KIRREL3: variants seen among roughly 807,000 people sequenced by gnomAD.
KIRREL3 encodes the protein kin of IRRE-like protein 3.
In KIRREL3, 36 loss-of-function variants were observed where a neutral mutation model predicts 89.7. The ratio of observed to expected loss-of-function variants is 0.40; its 90% confidence interval spans 0.31 to 0.53. The LOEUF is 0.53. KIRREL3 is among the 20% of genes least tolerant of loss of function. The pLI, the probability that KIRREL3 is intolerant of heterozygous loss-of-function variation, is 0.49. For missense variants in KIRREL3, 864 were observed against 1,056.6 expected, an observed-to-expected ratio of 0.82 and a Z score of 2.53; for synonymous variants, 445 against 441.4, an observed-to-expected ratio of 1.01 and a Z score of -0.10.
chr11:126,859,479 T>A (rs1452947989), intron 1 of KIRREL3, among the ~76,000 whole-genome samples: 1 of 151,936 alleles, frequency 6.6e-6, no homozygotes, highest in East Asian at 1.9e-4. Context: ...AACTGGACAA[T>A]GGATAGCAGC....
rs1244665847 is a variant in KIRREL3, at chr11:126,995,243, G to C, written c.55+5212C>G. The C allele has an allele frequency of 6.6e-6, 3 of 456,048 alleles. No homozygotes were observed. Among genetic ancestry groups the C allele is most frequent in the Non-Finnish European group, 1.3e-5 (3 of 226,934 alleles). 28.3% of individuals were successfully genotyped at this position (456,048 alleles called of 1,614,324 possible). ...GAGTGCTGGGATGTCCGCTGGCCTC[G>C]AGGCAAGACAAGAGCTCCAATCACT... On this transcript the variant is annotated intron_variant, in intron 1 of 16. Coordinates refer to ENST00000525144, the MANE Select transcript of KIRREL3 (RefSeq NM_032531.4). The surrounding 1 kb of genome is among the most constrained non-coding windows in gnomAD (Gnocchi z 6.5).
In KIRREL3 at chr11:126,574,048, C is replaced by A. The variant is rs1259791292; in HGVS notation, c.56-11136G>T. Among the ~76,000 whole-genome samples, 4 of 152,186 alleles carry A rather than the reference C, an allele frequency of 2.6e-5. No individual in the cohort carries two copies. Among genetic ancestry groups the A allele is most frequent in the Non-Finnish European group, 4.4e-5 (3 of 68,028 alleles). On this transcript the variant is annotated intron_variant, in intron 1 of 16. Coordinates refer to ENST00000525144, the MANE Select transcript of KIRREL3 (RefSeq NM_032531.4). This position sits in a 1 kb window ranked among gnomAD's most constrained non-coding sequence, Gnocchi z 5.3. ...ATGGAAGCCCCTTACAGGCCCCAGACAAGGGGCTTCATTCTGAGGGACTAG... is the reference window on the plus strand; with the variant it reads ...ATGGAAGCCCCTTACAGGCCCCAGAAAAGGGGCTTCATTCTGAGGGACTAG...
rs1018712167 is a variant in KIRREL3, at chr11:126,906,292, T to C, written c.55+94163A>G. Among the ~76,000 whole-genome samples the C allele has an allele frequency of 2.0e-5, 3 of 152,372 alleles. No homozygotes were observed. Among genetic ancestry groups the C allele is most frequent in the South Asian group, 2.1e-4 (1 of 4,828 alleles). On this transcript the variant is annotated intron_variant, in intron 1 of 16. Coordinates refer to ENST00000525144, the MANE Select transcript of KIRREL3 (RefSeq NM_032531.4). This position sits in a 1 kb window ranked among gnomAD's most constrained non-coding sequence, Gnocchi z 4.1. ...TCGGAAATCCAAACCTCACGCCTTG[T>C]GTGACTGATGAGCCACTTTTCGTTG... is the stretch of plus-strand genomic sequence containing the variant.
At chr11:126,730,686 C>T (rs1948582365) in intron 1 of KIRREL3, among the ~76,000 whole-genome samples, 2 of 152,286 alleles carry the variant, frequency 1.3e-5, no homozygotes, top group Admixed American at 1.3e-4. Context: ...ACCAAAATGG[C>T]GGTAGTCCCC....
Position 126,521,251 on chromosome 11 carries a change from C to T in KIRREL3, c.433+64G>A, listed in dbSNP as rs1958576382. ...CCCCATGTCTGACCAAAAAAATACCCTCTTGGAGCTGAGCCCTTGGTGCTT... is the reference window on the plus strand; with the variant it reads ...CCCCATGTCTGACCAAAAAAATACCTTCTTGGAGCTGAGCCCTTGGTGCTT... On this transcript the variant is annotated intron_variant, in intron 4 of 16. Transcript: ENST00000525144. This position sits in a 1 kb window ranked among gnomAD's most constrained non-coding sequence, Gnocchi z 4.1. 1.4e-6 allele frequency: 2 copies of T among 1,448,428 alleles called. No individual in the cohort carries two copies. Among genetic ancestry groups the T allele is most frequent in the South Asian group, 3.0e-5 (2 of 67,530 alleles). 89.7% of individuals were successfully genotyped at this position (1,448,428 alleles called of 1,614,324 possible).
chr11:126,823,023 C>T (rs1014729435), intron 1 of KIRREL3, among the ~76,000 whole-genome samples: 1 of 152,146 alleles, frequency 6.6e-6, no homozygotes, highest in African/African-American at 2.4e-5. Context: ...CAATCCACCA[C>T]TCATCTTTAA....
intron 1 of KIRREL3, among the ~76,000 whole-genome samples, chr11:126,713,287 C>G (rs2134150829): frequency 6.6e-6 from 1 of 152,306 alleles, no homozygotes; most frequent in South Asian, 2.1e-4. Flanking sequence ...CAGAGAGAGC[C>G]TCATGCATTT....
At chr11:126,873,556 G>A (rs761859829) in intron 1 of KIRREL3, among the ~76,000 whole-genome samples, 2 of 152,182 alleles carry the variant, frequency 1.3e-5, no homozygotes, top group Non-Finnish European at 2.9e-5. Context: ...CAAGAGTCAA[G>A]CATAATTCTT....
rs1946562330 is a variant in KIRREL3, at chr11:126,905,845, C to G, written c.55+94610G>C. On this transcript the variant is annotated intron_variant, in intron 1 of 16. Coordinates refer to ENST00000525144, the MANE Select transcript of KIRREL3 (RefSeq NM_032531.4). The surrounding 1 kb of genome is among the most constrained non-coding windows in gnomAD (Gnocchi z 5.0). ...AGTGGGGACATGACTCCCCAAAGCA[C>G]TTCAGGGGTTCCTTTGTCCGCACCC... 6.6e-6 allele frequency among the ~76,000 whole-genome samples: 1 copy of G among 152,162 alleles called. No homozygotes were observed. The highest frequency in any genetic ancestry group is 2.4e-5 in the African/African-American group (1 of 41,444).
At chr11:126,483,468 T>C (rs1957273895) in intron 4 of KIRREL3, among the ~76,000 whole-genome samples, 1 of 152,238 alleles carries the variant, frequency 6.6e-6, no homozygotes, top group East Asian at 1.9e-4. Context: ...AAAAGCTAAC[T>C]GATGTAACCC....
intron 1 of KIRREL3, among the ~76,000 whole-genome samples, chr11:126,851,417 C>T (rs542139300): frequency 4.6e-5 from 7 of 152,120 alleles, no homozygotes; most frequent in Non-Finnish European, 7.4e-5. Context: ...GCTTTCTCAG[C>T]GATATCACCT....
intron 10 of KIRREL3, among the ~76,000 whole-genome samples, chr11:126,442,483 G>A (rs1955618626): frequency 6.6e-6 from 1 of 152,144 alleles, no homozygotes; most frequent in Non-Finnish European, 1.5e-5. Flanking sequence ...AATGGGGTGA[G>A]GGTTAGTAAG....
At chr11:126,932,387 TC>T (rs1385189002) in intron 1 of KIRREL3, among the ~76,000 whole-genome samples, 34 of 152,182 alleles carry the variant, frequency 2.2e-4, no homozygotes, top group Admixed American at 2.6e-4. Flanking sequence ...CTCAATGCAT[TC>T]AACCCAACAA....
At chr11:126,767,432 C>T (rs2134285777) in intron 1 of KIRREL3, among the ~76,000 whole-genome samples, 1 of 152,264 alleles carries the variant, frequency 6.6e-6, no homozygotes, top group African/African-American at 2.4e-5. Context: ...CCAGGGACTC[C>T]TAAAGCTGGG....
chr11:126,858,741 G>C (rs957592198), intron 1 of KIRREL3, among the ~76,000 whole-genome samples: 1 of 152,240 alleles, frequency 6.6e-6, no homozygotes, highest in African/African-American at 2.4e-5. Context: ...TCTGTGCAGA[G>C]ACAGCTGATA....
In KIRREL3 at chr11:126,731,029, G is replaced by A. The variant is rs7932765; in HGVS notation, c.56-168117C>T. 4.0e-3 allele frequency among the ~76,000 whole-genome samples: 610 copies of A among 152,140 alleles called. 7 individuals are homozygous for A. Among genetic ancestry groups the A allele is most frequent in the African/African-American group, 0.014 (571 of 41,504 alleles). On this transcript the variant is annotated intron_variant, in intron 1 of 16. Coordinates refer to ENST00000525144, the MANE Select transcript of KIRREL3 (RefSeq NM_032531.4). The stretch of plus-strand genomic sequence containing the variant: ...GCTGGGATTACAGGCGTGAGCCACC[G>A]CGCCCAGCCAACATGCAATACTTTT...
chr11:126,888,053 C>T (rs7927679), intron 1 of KIRREL3, among the ~76,000 whole-genome samples: 93,542 of 151,722 alleles, frequency 0.62, 30,354 homozygotes, highest in African/African-American at 0.82. Context: ...TGCTATACAC[C>T]CACAGTATCA....
intron 1 of KIRREL3, among the ~76,000 whole-genome samples, chr11:126,700,009 C>G (rs1223414532): frequency 6.6e-6 from 1 of 151,960 alleles, no homozygotes; most frequent in Non-Finnish European, 1.5e-5. Context: ...GCCCGAGCAA[C>G]AAAGTGAGAC....
intron 5 of KIRREL3, among the ~76,000 whole-genome samples, chr11:126,467,208 C>G (rs905890504): frequency 2.0e-5 from 3 of 152,238 alleles, no homozygotes; most frequent in Admixed American, 6.5e-5. Context: ...TCTCTCTGGA[C>G]GCTGCCTGCT....
Sources: gnomAD v4.1 joint callset for allele counts (sites outside exome capture counted in the v4.1 genomes callset) on GRCh38, gnomAD v4.1.1 for gene constraint, Gnocchi (gnomAD v3.1) non-coding constraint, MANE v1.5 for transcripts, NCBI Gene and HGNC (gene_info 2026-07-23, HGNC 2026-07-21) for gene names.